Variants in MYO5A observed in about 807,000 individuals in gnomAD.
The protein encoded by MYO5A is unconventional myosin-Va.
A neutral mutation model predicts 249.7 loss-of-function variants in MYO5A; 98 were observed. That is an observed-to-expected ratio of 0.39 (90% CI 0.33 to 0.46). MYO5A has a LOEUF of 0.46. Ranked by LOEUF, MYO5A falls within the 20% of genes least tolerant of loss-of-function variation. The pLI, the probability that MYO5A is intolerant of heterozygous loss-of-function variation, is 0.98. For synonymous variants in MYO5A, 778 were observed against 810.6 expected (o/e 0.96, Z 0.68); for missense variants, 1,696 against 2,308.8 (o/e 0.73, Z 5.44).
At chr15:52,332,411 G>T (rs1050630971) in intron 34 of MYO5A, among the ~76,000 whole-genome samples, 1 of 152,142 alleles carries the variant, frequency 6.6e-6, no homozygotes, top group Non-Finnish European at 1.5e-5. Flanking sequence ...CTCAGAATTT[G>T]TGAAATACAA....
intron 5 of MYO5A, among the ~76,000 whole-genome samples, chr15:52,413,144 T>C (rs2043321888): frequency 1.7e-5 from 2 of 120,210 alleles, no homozygotes; most frequent in Non-Finnish European, 3.4e-5. Context: ...CGAAACTCTG[T>C]CTCAAAAAAA....
chr15:52,508,678 A>G (rs531615252), intron 1 of MYO5A, among the ~76,000 whole-genome samples: 4 of 152,164 alleles, frequency 2.6e-5, no homozygotes, highest in Admixed American at 1.3e-4. Flanking sequence ...AGCTGGTAAC[A>G]CACATGTGGT....
chr15:52,351,877 A>G (rs1011233382), intron 27 of MYO5A, among the ~76,000 whole-genome samples: 1 of 152,228 alleles, frequency 6.6e-6, no homozygotes, highest in Non-Finnish European at 1.5e-5. Context: ...TTTCCAATGA[A>G]TGATTCAGAT....
At chr15:52,432,670 G>A (rs2075567170) in intron 2 of MYO5A, among the ~76,000 whole-genome samples, 1 of 152,164 alleles carries the variant, frequency 6.6e-6, no homozygotes, top group South Asian at 2.1e-4. Context: ...CGAACATTTT[G>A]CCTAACAAAG....
At chr15:52,383,775 G>A (rs1367948381) in intron 15 of MYO5A, among the ~76,000 whole-genome samples, 1 of 152,190 alleles carries the variant, frequency 6.6e-6, no homozygotes, top group Non-Finnish European at 1.5e-5. Context: ...CAGGCACTAA[G>A]CATGTATGTA....
intron 32 of MYO5A, among the ~76,000 whole-genome samples, chr15:52,339,353 A>T (rs999250691): frequency 3.3e-5 from 5 of 152,110 alleles, no homozygotes; most frequent in African/African-American, 7.2e-5. Context: ...ATCCTAAACA[A>T]TTTTTCTCAA....
intron 1 of MYO5A, among the ~76,000 whole-genome samples, chr15:52,473,503 T>G (rs537429588): frequency 6.6e-6 from 1 of 152,372 alleles, no homozygotes; most frequent in South Asian, 2.1e-4. Flanking sequence ...GCCTAGGTTT[T>G]CTTCCAGGGT....
intron 1 of MYO5A, among the ~76,000 whole-genome samples, chr15:52,482,437 T>G (rs1337717386): frequency 1.3e-5 from 2 of 152,188 alleles, no homozygotes; most frequent in Non-Finnish European, 2.9e-5. Context: ...ACATGATCCA[T>G]ACTCTAACAA....
At chr15:52,394,734 G>A (rs771261011) in intron 11 of MYO5A, among the ~76,000 whole-genome samples, 19 of 152,236 alleles carry the variant, frequency 1.2e-4, no homozygotes, top group Admixed American at 3.9e-4. Flanking sequence ...GGCTGGCATT[G>A]CTTCCTTACA....
intron 29 of MYO5A, among the ~76,000 whole-genome samples, chr15:52,348,485 G>C (rs2039765328): frequency 6.6e-6 from 1 of 152,160 alleles, no homozygotes; most frequent in South Asian, 2.1e-4. Flanking sequence ...GAGAGCTCAG[G>C]AGAGCCTGTG....
At chr15:52,453,160 G>T (rs2076053507) in intron 1 of MYO5A, among the ~76,000 whole-genome samples, 1 of 152,044 alleles carries the variant, frequency 6.6e-6, no homozygotes, top group African/African-American at 2.4e-5. Context: ...AGGACAAACA[G>T]AGGGTCCTAA....
chr15:52,391,644 A>G (rs1322500618), intron 12 of MYO5A, among the ~76,000 whole-genome samples: 1 of 152,226 alleles, frequency 6.6e-6, no homozygotes. Context: ...CGCTGACCAA[A>G]AAGTACTAAA....
chr15:52,429,761 C>T (rs1014832864), intron 2 of MYO5A, among the ~76,000 whole-genome samples: 1 of 152,050 alleles, frequency 6.6e-6, no homozygotes, highest in African/African-American at 2.4e-5. Context: ...CAAAAGTTAA[C>T]AAGTACTATT....
chr15:52,313,526 T>G lies in MYO5A; in HGVS notation c.*170A>C, dbSNP rs1173343786. The stretch of plus-strand genomic sequence containing the variant: ...AACACAGCACGAAAGAGCCTATCTT[T>G]GTTTCCAAAGTGATGAAAGTATTCT... On this transcript the variant is annotated 3_prime_UTR_variant, in exon 42 of 42. Transcript: ENST00000399233. 1 of 865,196 alleles carries G rather than the reference T, an allele frequency of 1.2e-6. No individual in the cohort carries two copies. Among genetic ancestry groups the G allele is most frequent in the African/African-American group, 1.7e-5 (1 of 59,088 alleles). 53.6% of individuals were successfully genotyped at this position (865,196 alleles called of 1,614,324 possible).
Position 52,364,669 on chromosome 15 carries a change from T to C in MYO5A, c.3194A>G (p.Lys1065Arg), listed in dbSNP as rs1349349746. Residue 1065 changes from lysine to arginine, a missense_variant, in exon 24 of 42, where the codon AAA becomes AGA. This residue lies in a region of MYO5A where 412 missense variants were observed against 453.3 expected (regional missense o/e 0.91). Transcript: ENST00000399233. ...ATCATTAAGGTCGAGTTCCAGTTGT[T>C]TCGTTTCTTCTACTAACTTCTTCTC... ...TMEKKLVEET[K>R]QLELDLNDER... The C allele has an allele frequency of 1.2e-6, 2 of 1,613,928 alleles. No individual in the cohort carries two copies. Among genetic ancestry groups the C allele is most frequent in the South Asian group, 2.2e-5 (2 of 91,080 alleles).
At chr15:52,470,172 A>G (rs11855453) in intron 1 of MYO5A, among the ~76,000 whole-genome samples, 22,455 of 152,196 alleles carry the variant, frequency 0.15, 1,789 homozygotes, top group Middle Eastern at 0.22. Context: ...CTTCCATAGC[A>G]TTGACAATTC....
intron 1 of MYO5A, among the ~76,000 whole-genome samples, chr15:52,514,412 A>C (rs773431366): frequency 6.6e-6 from 1 of 152,244 alleles, no homozygotes; most frequent in African/African-American, 2.4e-5. Context: ...TTAGGACAGA[A>C]GTAAACTGAA....
intron 34 of MYO5A, among the ~76,000 whole-genome samples, chr15:52,335,772 T>G (rs1021994319): frequency 2.0e-5 from 3 of 152,188 alleles, no homozygotes; most frequent in Non-Finnish European, 2.9e-5. Context: ...TTTTCTTTTT[T>G]ACTTCTCTAT....
Position 52,384,242 on chromosome 15 carries a change from G to A in MYO5A, c.1833C>T (p.Pro611=). The change falls in exon 15 of 42, where the codon CCC becomes CCT. Residue 611 remains proline, a synonymous_variant. Transcript: ENST00000399233. ...PTSATSSGRT[P]LTRTPAKPTK... is the part of the protein sequence containing the mutation. ...TGGGCTTTGCAGGAGTTCGTGTGAG[G>A]GGTGTGCGCCCTGAGGAGGTGGCTG... is the stretch of plus-strand genomic sequence containing the variant. 6.2e-7 allele frequency: 1 copy of A among 1,614,202 alleles called. No individual in the cohort carries two copies. The highest frequency in any genetic ancestry group is 8.5e-7 in the Non-Finnish European group (1 of 1,180,016).
Sources: gnomAD v4.1 joint callset for allele counts (sites outside exome capture counted in the v4.1 genomes callset) on GRCh38, gnomAD v4.1.1 for gene constraint, gnomAD v4.1.1 regional missense constraint, MANE v1.5 for transcripts, NCBI Gene and HGNC (gene_info 2026-07-23, HGNC 2026-07-21) for gene names.